Variants in ADARB2 observed in about 807,000 individuals in gnomAD.
The protein encoded by ADARB2 is adenosine deaminase RNA specific B2 (inactive), also known as inactive double-stranded RNA-specific editase B2.
In ADARB2, 25 loss-of-function variants were observed where a neutral mutation model predicts 62.2. The observed-to-expected ratio is 0.40, with a 90% CI of 0.29 to 0.56. The LOEUF (loss-of-function observed/expected upper bound fraction) is 0.56, where lower values mean the gene tolerates loss of function less well. Among genes scored for constraint, ADARB2 ranks in the 20% least tolerant of loss-of-function variants. ADARB2 has a pLI of 0.43. For missense variants in ADARB2, 1,071 were observed against 1,077.4 expected, an observed-to-expected ratio of 0.99 and a Z score of 0.08; for synonymous variants, 572 against 500.8, an observed-to-expected ratio of 1.14 and a Z score of -1.90.
At chr10:1,446,606 C>T (rs981975280) in intron 1 of ADARB2, among the ~76,000 whole-genome samples, 15 of 152,238 alleles carry the variant, frequency 9.9e-5, no homozygotes, top group Non-Finnish European at 5.9e-5. Flanking sequence ...GGCAGAAAGC[C>T]TGGGCTCCCA....
At chr10:1,662,163 A>C (rs1338542288) in intron 1 of ADARB2, among the ~76,000 whole-genome samples, 1 of 152,196 alleles carries the variant, frequency 6.6e-6, no homozygotes, top group Non-Finnish European at 1.5e-5. Flanking sequence ...TATTCTTGGA[A>C]GGGTTATTGG....
intron 1 of ADARB2, chr10:1,678,169 A>G: frequency 1.0e-6 from 1 of 985,420 alleles, no homozygotes. Flanking sequence ...TCGGTCACCC[A>G]GCAAATGCCC....
intron 3 of ADARB2, among the ~76,000 whole-genome samples, chr10:1,353,332 A>C (rs931320910): frequency 1.3e-5 from 2 of 152,114 alleles, no homozygotes; most frequent in African/African-American, 4.8e-5. Flanking sequence ...GCCGCTTCTA[A>C]TCCCTCCTTA....
intron 6 of ADARB2, among the ~76,000 whole-genome samples, chr10:1,220,420 G>A (rs1345505447): frequency 6.6e-6 from 1 of 151,278 alleles, no homozygotes; most frequent in Non-Finnish European, 1.5e-5. Context: ...TGATGGTCGT[G>A]ATGGTGATGA....
At chr10:1,418,422 G>C (rs893847829) in intron 1 of ADARB2, among the ~76,000 whole-genome samples, 2 of 152,148 alleles carry the variant, frequency 1.3e-5, no homozygotes, top group Non-Finnish European at 2.9e-5. Flanking sequence ...GAGACGCCAC[G>C]GGGGAGCCTT....
intron 9 of ADARB2, among the ~76,000 whole-genome samples, chr10:1,183,746 G>C (rs1836712072): frequency 6.6e-6 from 1 of 152,182 alleles, no homozygotes; most frequent in Non-Finnish European, 1.5e-5. Context: ...GGATGATGGA[G>C]CTGGGGCGTT....
intron 1 of ADARB2, among the ~76,000 whole-genome samples, chr10:1,451,155 G>T (rs1276163797): frequency 6.6e-6 from 1 of 151,380 alleles, no homozygotes; most frequent in Non-Finnish European, 1.5e-5. Flanking sequence ...ACAAGTGTTT[G>T]CAGGAAATAG....
At chr10:1,674,176 G>T (rs1834430937) in intron 1 of ADARB2, among the ~76,000 whole-genome samples, 1 of 152,226 alleles carries the variant, frequency 6.6e-6, no homozygotes. Context: ...CGTAATGTGT[G>T]CACCTTCTCT....
chr10:1,501,637 G>A (rs1017234104), intron 1 of ADARB2, among the ~76,000 whole-genome samples: 2 of 152,120 alleles, frequency 1.3e-5, no homozygotes, highest in South Asian at 4.2e-4. Flanking sequence ...TTCCACAGAG[G>A]GGCCCAATCA....
chr10:1,503,737 C>T (rs561328211), intron 1 of ADARB2, among the ~76,000 whole-genome samples: 2 of 152,158 alleles, frequency 1.3e-5, no homozygotes, highest in African/African-American at 2.4e-5. Context: ...TTGGTGCTGA[C>T]CTCGTGATAG....
rs1002809629 is a variant in ADARB2 at position 1,737,222 on chromosome 10, G to A, written c.-72C>T. ...TGCACCTGCCTCCTTCCCGGCAGCC[G>A]CCGCCGCCGCTGCTGCGAAGCTTGA... On this transcript the variant is annotated 5_prime_UTR_variant, in exon 1 of 10. Transcript: ENST00000381312. 146 of 1,504,352 alleles carry A rather than the reference G, an allele frequency of 9.7e-5. No individual in the cohort carries two copies. The highest frequency in any genetic ancestry group is 1.3e-4 in the Non-Finnish European group (144 of 1,097,756). The allele number at this position is 1,504,352 out of a possible 1,614,324, so 93.2% of individuals were successfully genotyped here.
At chr10:1,439,728 C>T (rs1167006548) in intron 1 of ADARB2, among the ~76,000 whole-genome samples, 1 of 149,078 alleles carries the variant, frequency 6.7e-6, no homozygotes, top group African/African-American at 2.5e-5. Flanking sequence ...TGAGTCTCCT[C>T]AGCAGATGGA....
chr10:1,402,280 G>C (rs886890547), intron 1 of ADARB2, among the ~76,000 whole-genome samples: 2 of 152,168 alleles, frequency 1.3e-5, no homozygotes, highest in Admixed American at 1.3e-4. Context: ...GTCTGGCCAG[G>C]GGTAGGGCGC....
chr10:1,483,227 G>T (rs984949050), intron 1 of ADARB2, among the ~76,000 whole-genome samples: 4 of 152,160 alleles, frequency 2.6e-5, no homozygotes. Flanking sequence ...AAAAGTAAAA[G>T]CTGAGAATAA....
intron 7 of ADARB2, among the ~76,000 whole-genome samples, chr10:1,207,162 C>G (rs1452857640): frequency 6.6e-6 from 1 of 152,068 alleles, no homozygotes; most frequent in Admixed American, 6.6e-5. Context: ...GCCTGGCCAA[C>G]GTGGCGAAAC....
At chr10:1,463,722 A>G (rs1831207080) in intron 1 of ADARB2, among the ~76,000 whole-genome samples, 1 of 152,204 alleles carries the variant, frequency 6.6e-6, no homozygotes, top group Non-Finnish European at 1.5e-5. Context: ...GTGCTCTTTG[A>G]AATGCACTAA....
At chr10:1,578,323 A>T (rs1588309738) in intron 1 of ADARB2, among the ~76,000 whole-genome samples, 1 of 151,590 alleles carries the variant, frequency 6.6e-6, no homozygotes. Flanking sequence ...CGTTACTAAA[A>T]TTTTCTTATT....
At chr10:1,466,464 C>T (rs754586127) in intron 1 of ADARB2, among the ~76,000 whole-genome samples, 1 of 152,206 alleles carries the variant, frequency 6.6e-6, no homozygotes, top group Non-Finnish European at 1.5e-5. Flanking sequence ...GCTCTCTGAG[C>T]ACACGGAGGT....
At chr10:1,487,581 A>C (rs1288171385) in intron 1 of ADARB2, among the ~76,000 whole-genome samples, 1 of 152,218 alleles carries the variant, frequency 6.6e-6, no homozygotes, top group Non-Finnish European at 1.5e-5. Context: ...GGGGTAAATA[A>C]AGGTCATGGA....
Sources: gnomAD v4.1 joint callset for allele counts (sites outside exome capture counted in the v4.1 genomes callset) on GRCh38, gnomAD v4.1.1 for gene constraint, MANE v1.5 for transcripts, NCBI Gene and HGNC (gene_info 2026-07-23, HGNC 2026-07-21) for gene names.